Variants in ATE1 observed in about 807,000 individuals in gnomAD.
The protein encoded by ATE1 is arginyltransferase 1.
ATE1 carries 36 observed loss-of-function variants against 70.5 expected under a neutral mutation model. The ratio of observed to expected loss-of-function variants is 0.51; its 90% CI spans 0.39 to 0.67. The LOEUF (loss-of-function observed/expected upper bound fraction) is 0.67, where lower values mean the gene tolerates loss of function less well. ATE1 is among the 30% of genes least tolerant of loss of function. The pLI, the probability that ATE1 is intolerant of heterozygous loss-of-function variation, is 0.00. For synonymous variants in ATE1, 232 were observed against 219.3 expected (o/e 1.06, Z -0.51); for missense variants, 593 against 629.5 (o/e 0.94, Z 0.62).
intron 8 of ATE1, 86 bp from the exon 9 acceptor site, chr10:121,841,349 T>A (rs182714719): frequency 2.0e-4 from 198 of 973,602 alleles, no homozygotes; most frequent in Non-Finnish European, 5.4e-6. Flanking sequence ...TTCCTCAGGT[T>A]AATAAGTCCT....
chr10:121,824,075 A>C (rs140396362), intron 10 of ATE1, among the ~76,000 whole-genome samples: 6 of 152,280 alleles, frequency 3.9e-5, no homozygotes, highest in African/African-American at 9.6e-5. Context: ...TGTTCTAAAT[A>C]AGAATTTGTG....
chr10:121,899,013 C>A, intron 7 of ATE1: 1 of 1,600,178 alleles, frequency 6.2e-7, no homozygotes, highest in Non-Finnish European at 8.5e-7. Context: ...TGAAACATCT[C>A]TGATGATATG....
At chr10:121,918,453 C>T (rs1951747180) in intron 3 of ATE1, among the ~76,000 whole-genome samples, 2 of 151,998 alleles carry the variant, frequency 1.3e-5, no homozygotes, top group Admixed American at 1.3e-4. Flanking sequence ...TTAATGAATC[C>T]CCTTTTATAA....
chr10:121,748,274 A>G (rs1944445331), intron 11 of ATE1, among the ~76,000 whole-genome samples: 1 of 152,158 alleles, frequency 6.6e-6, no homozygotes, highest in Non-Finnish European at 1.5e-5. Context: ...GTCATCCTTT[A>G]ATTTTTACTC....
Position 121,743,161 on chromosome 10 carries a change from T to G in ATE1, c.*519A>C, listed in dbSNP as rs1198488047. On this transcript the variant is annotated 3_prime_UTR_variant, in exon 12 of 12. Coordinates refer to ENST00000224652, the MANE Select transcript of ATE1 (RefSeq NM_001001976.3). ...GTTCTCTATTAAACTACATAACATT[T>G]GGCAGCAATTTCACATTGAACACTG... is the stretch of plus-strand genomic sequence containing the variant. 6.6e-6 allele frequency: 1 copy of G among 152,556 alleles called. No homozygotes were observed. The highest frequency in any genetic ancestry group is 1.5e-5 in the Non-Finnish European group (1 of 68,294). The allele number at this position is 152,556 out of a possible 1,614,324, so 9.5% of individuals were successfully genotyped here. A position where few individuals can be genotyped will look rare whatever the true frequency, so the allele number is the denominator to read the frequency against.
Position 121,783,297 on chromosome 10 carries a change from A to T in ATE1, c.1378+6872T>A, listed in dbSNP as rs1041757779. Among the ~76,000 whole-genome samples, 8 of 152,286 alleles carry T rather than the reference A, an allele frequency of 5.3e-5. No homozygotes were observed. The South Asian group carries it at 1.4e-3, about 28-fold the overall frequency. On this transcript the variant is annotated intron_variant, in intron 11 of 11. Coordinates refer to ENST00000224652, the MANE Select transcript of ATE1 (RefSeq NM_001001976.3). Reference sequence around the variant, plus strand: ...CTAAACTCAATACCCTCAAACTCTGAAACATAAAAGCACACTCCATCTATA... The same window carrying T: ...CTAAACTCAATACCCTCAAACTCTGTAACATAAAAGCACACTCCATCTATA...
At chr10:121,913,743 G>T in intron 4 of ATE1, 47 bp downstream of exon 4, 1 of 1,336,326 alleles carries the variant, frequency 7.5e-7, no homozygotes, top group Non-Finnish European at 1.1e-6. Context: ...AAGTGGGACC[G>T]TTGCAAAGAC....
rs1564942653 is a variant in ATE1 at position 121,899,932 on chromosome 10, GTAAGACTCCAGA to G, written c.864_875del (p.Leu289_Tyr292del). The G allele has an allele frequency of 6.2e-7, 1 of 1,613,996 alleles. No individual in the cohort carries two copies. The stretch of plus-strand genomic sequence containing the variant: ...CCATCTGGTAACGTTTATAGACCTG[GTAAGACTCCAGA>G]AGTGTGGCTTTGAACTGCGAACTTG... On this transcript the variant is annotated inframe_deletion, in exon 7 of 12. Coordinates refer to ENST00000224652, the MANE Select transcript of ATE1 (RefSeq NM_001001976.3).
At chr10:121,806,921 C>T (rs1947121850) in intron 10 of ATE1, among the ~76,000 whole-genome samples, 1 of 152,070 alleles carries the variant, frequency 6.6e-6, no homozygotes. Context: ...ATACATACTC[C>T]TCTCTTCCCT....
intron 8 of ATE1, among the ~76,000 whole-genome samples, chr10:121,866,903 A>G (rs1239111057): frequency 6.6e-6 from 1 of 151,828 alleles, no homozygotes; most frequent in East Asian, 1.9e-4. Flanking sequence ...CAGCTAGTGT[A>G]CTCTAGGTAC....
chr10:121,834,021 A>T (rs987909191), intron 10 of ATE1, among the ~76,000 whole-genome samples: 1 of 152,174 alleles, frequency 6.6e-6, no homozygotes, highest in African/African-American at 2.4e-5. Flanking sequence ...TCTCCAGGTC[A>T]TAAACTCCAG....
At chr10:121,843,038 T>C (rs1013620420) in intron 8 of ATE1, among the ~76,000 whole-genome samples, 2 of 152,164 alleles carry the variant, frequency 1.3e-5, no homozygotes, top group Non-Finnish European at 2.9e-5. Flanking sequence ...AGCCTGTCTT[T>C]CTTTATAGAT....
intron 7 of ATE1, among the ~76,000 whole-genome samples, chr10:121,871,265 C>G (rs1365365649): frequency 1.3e-5 from 2 of 152,000 alleles, no homozygotes; most frequent in Non-Finnish European, 2.9e-5. Context: ...TCGAGTCGAG[C>G]CTGGCCAACA....
At chr10:121,885,675 C>T (rs1282275844) in intron 7 of ATE1, among the ~76,000 whole-genome samples, 4 of 151,792 alleles carry the variant, frequency 2.6e-5, no homozygotes, top group Admixed American at 6.6e-5. Context: ...GGCAGGCAGG[C>T]GGATCACTTG....
chr10:121,910,185 T>C (rs1951363724), intron 5 of ATE1, among the ~76,000 whole-genome samples: 1 of 152,228 alleles, frequency 6.6e-6, no homozygotes, highest in African/African-American at 2.4e-5. Flanking sequence ...CTTTAACATG[T>C]GTAACATAGT....
chr10:121,919,537 G>C (rs1178210656), intron 3 of ATE1, among the ~76,000 whole-genome samples: 3 of 152,068 alleles, frequency 2.0e-5, no homozygotes, highest in South Asian at 2.1e-4. Flanking sequence ...CTCCAGCCTG[G>C]GCGACAGCAA....
intron 6 of ATE1, among the ~76,000 whole-genome samples, chr10:121,901,482 T>G (rs183076206): frequency 8.6e-4 from 131 of 152,210 alleles, no homozygotes; most frequent in Non-Finnish European, 1.5e-3. Flanking sequence ...TTTGAGACAG[T>G]CTTTTGCTCT....
At chr10:121,833,252 C>T (rs1168904537) in intron 10 of ATE1, among the ~76,000 whole-genome samples, 1 of 151,468 alleles carries the variant, frequency 6.6e-6, no homozygotes, top group South Asian at 2.1e-4. Context: ...TAAGTTATAA[C>T]CTATTTGTAA....
intron 10 of ATE1, among the ~76,000 whole-genome samples, chr10:121,823,049 G>A (rs559682937): frequency 6.6e-6 from 1 of 152,178 alleles, no homozygotes; most frequent in South Asian, 2.1e-4. Flanking sequence ...CCAGCACTTT[G>A]GGAGGCCAAG....
Sources: allele counts gnomAD v4.1 joint callset (sites outside exome capture counted in the v4.1 genomes callset), GRCh38; gene constraint gnomAD v4.1.1; transcripts MANE v1.5; gene names NCBI Gene and HGNC (gene_info 2026-07-23, HGNC 2026-07-21).